RAD51B: variants seen among roughly 807,000 people sequenced by gnomAD.
The protein encoded by RAD51B is RAD51 paralog B, also known as DNA repair protein RAD51 homolog 2.
A neutral mutation model predicts 42.2 loss-of-function variants in RAD51B; 38 were observed. The observed-to-expected ratio is 0.90, with a 90% confidence interval of 0.70 to 1.18. RAD51B has a LOEUF of 1.18. Among genes scored for constraint, RAD51B ranks in the 50% most tolerant of loss-of-function variants. The pLI is 0.00. For synonymous variants in RAD51B, 154 were observed against 145.2 expected (o/e 1.06, Z -0.43); for missense variants, 373 against 400.7 (o/e 0.93, Z 0.59).
chr14:68,079,833 G>A (rs980947206), intron 7 of RAD51B, among the ~76,000 whole-genome samples: 9 of 152,142 alleles, frequency 5.9e-5, no homozygotes, highest in Admixed American at 5.9e-4. Context: ...GCGTATGTGC[G>A]CTCTTGTACT....
chr14:68,560,595 G>T (rs936314355), intron 10 of RAD51B, among the ~76,000 whole-genome samples: 1 of 152,162 alleles, frequency 6.6e-6, no homozygotes, highest in Non-Finnish European at 1.5e-5. Context: ...AATTAGCCGG[G>T]CATGGTGGTG....
intron 10 of RAD51B, among the ~76,000 whole-genome samples, chr14:68,530,423 G>C (rs1887208926): frequency 9.1e-6 from 1 of 110,466 alleles, no homozygotes; most frequent in South Asian, 2.9e-4. Flanking sequence ...CTCCAGCCTG[G>C]GCAACAGAGA....
rs1892599959 is a variant in RAD51B, at chr14:68,648,025, A to ACG, written c.1037-2756_1037-2755insCG. On this transcript the variant is annotated intron_variant, in intron 10 of 11. Coordinates refer to the RAD51B transcript ENST00000488612. Reference sequence around the variant, plus strand: ...TGAGCATATATATATATATATACGTATATATATATATACACACGTATATAG... The same window carrying ACG: ...TGAGCATATATATATATATATACGTACGTATATATATATACACACGTATATAG... 9.2e-5 allele frequency among the ~76,000 whole-genome samples: 9 copies of ACG among 98,218 alleles called. 1 individual carries two copies. Among genetic ancestry groups the ACG allele is most frequent in the Non-Finnish European group, 1.9e-4 (9 of 47,152 alleles). The allele number at this position is 98,218 out of a possible 152,430, so 64.4% of individuals were successfully genotyped here.
chr14:68,095,833 A>G (rs1326598143), intron 7 of RAD51B, among the ~76,000 whole-genome samples: 1 of 151,868 alleles, frequency 6.6e-6, no homozygotes, highest in Non-Finnish European at 1.5e-5. Context: ...AAAATTAGCC[A>G]GGCGTGGTGG....
intron 4 of RAD51B, among the ~76,000 whole-genome samples, chr14:67,862,779 C>T (rs2042204795): frequency 6.6e-6 from 1 of 151,980 alleles, no homozygotes; most frequent in South Asian, 2.1e-4. Flanking sequence ...ATTATCATTG[C>T]TCTACTTAAA....
chr14:68,491,720 A>G (rs1162871623), intron 10 of RAD51B, among the ~76,000 whole-genome samples: 1 of 152,196 alleles, frequency 6.6e-6, no homozygotes, highest in Non-Finnish European at 1.5e-5. Flanking sequence ...AGTTTGTAAA[A>G]TGGGAATAGA....
intron 7 of RAD51B, among the ~76,000 whole-genome samples, chr14:68,160,393 G>T (rs1311847210): frequency 6.6e-6 from 1 of 152,128 alleles, no homozygotes; most frequent in Non-Finnish European, 1.5e-5. Context: ...TTCTTAATAG[G>T]TTGCCACTCA....
chr14:67,866,013 G>A (rs2042326946), intron 5 of RAD51B, among the ~76,000 whole-genome samples: 1 of 152,146 alleles, frequency 6.6e-6, no homozygotes, highest in South Asian at 2.1e-4. Context: ...TGTGATCAAG[G>A]CTTCAGATCC....
chr14:68,277,161 A>G (rs2139608923), intron 7 of RAD51B, among the ~76,000 whole-genome samples: 1 of 152,278 alleles, frequency 6.6e-6, no homozygotes, highest in Non-Finnish European at 1.5e-5. Context: ...TGGCTGAATT[A>G]ATGAAGGGGA....
At chr14:68,662,915 A>G (rs1892962156) in intron 11 of RAD51B, among the ~76,000 whole-genome samples, 1 of 152,044 alleles carries the variant, frequency 6.6e-6, no homozygotes, top group Admixed American at 6.6e-5. Flanking sequence ...ACTGCTCTGT[A>G]CCCCAGGAAG....
chr14:68,242,204 A>C (rs1161550336), intron 7 of RAD51B, among the ~76,000 whole-genome samples: 1 of 152,192 alleles, frequency 6.6e-6, no homozygotes, highest in African/African-American at 2.4e-5. Flanking sequence ...TCTTCACTTT[A>C]GACTTGGCTC....
intron 10 of RAD51B, among the ~76,000 whole-genome samples, chr14:68,630,272 C>T (rs940567736): frequency 1.3e-5 from 2 of 152,150 alleles, no homozygotes; most frequent in African/African-American, 4.8e-5. Flanking sequence ...TCTTGAGCCT[C>T]CGGAGGAATT....
chr14:68,054,618 A>G (rs2076445085), intron 7 of RAD51B, among the ~76,000 whole-genome samples: 1 of 152,192 alleles, frequency 6.6e-6, no homozygotes, highest in South Asian at 2.1e-4. Flanking sequence ...CAACTTCAGA[A>G]TTGCTAACCC....
intron 7 of RAD51B, among the ~76,000 whole-genome samples, chr14:68,032,437 T>C (rs1440895290): frequency 6.6e-6 from 1 of 152,186 alleles, no homozygotes; most frequent in Non-Finnish European, 1.5e-5. Context: ...TCTTATTTCT[T>C]TTCCACCCCT....
At chr14:68,553,012 C>G (rs905075784) in intron 10 of RAD51B, among the ~76,000 whole-genome samples, 1 of 152,210 alleles carries the variant, frequency 6.6e-6, no homozygotes, top group African/African-American at 2.4e-5. Context: ...CCCTCATACT[C>G]TCATCATCAG....
Position 68,341,734 on chromosome 14 carries a change from C to T in RAD51B, c.853+49754C>T, listed in dbSNP as rs186148323. ...AGGTCTTTTTTCTCTCCAACTTTGT[C>T]AGTACGTTCAAAAAGAGTCCTATTG... On this transcript the variant is annotated intron_variant, in intron 8 of 10. Transcript: ENST00000471583. Among the ~76,000 whole-genome samples the T allele has an allele frequency of 1.8e-3, 267 of 152,242 alleles. 4 individuals carry two copies. Among genetic ancestry groups the T allele is most frequent in the East Asian group, 0.016 (83 of 5,176 alleles).
intron 10 of RAD51B, chr14:68,540,778 A>G (rs147455151): frequency 5.1e-6 from 5 of 985,324 alleles, no homozygotes; most frequent in African/African-American, 3.5e-5. Flanking sequence ...GAGGACTCCA[A>G]GGTTGAGTAG....
In RAD51B at chr14:67,890,486, G is replaced by A. The variant is rs1482577667; in HGVS notation, c.756+3282G>A. 3.3e-5 allele frequency among the ~76,000 whole-genome samples: 5 copies of A among 151,408 alleles called. No individual in the cohort carries two copies. In the East Asian group the frequency reaches 9.7e-4, roughly 29 times the overall value. ...ATTTATTATTATTATTATACTTTAA[G>A]TTTTAGGGTACATGTGCACAATGTG... is the stretch of plus-strand genomic sequence containing the variant. On this transcript the variant is annotated intron_variant, in intron 7 of 10. Coordinates refer to ENST00000471583, the MANE Select transcript of RAD51B (RefSeq NM_133510.4).
rs999999184 is a variant in RAD51B, at chr14:68,169,095, A to G, written c.757-122789A>G. Among the ~76,000 whole-genome samples the G allele has an allele frequency of 7.2e-5, 11 of 152,166 alleles. No homozygotes were observed. In the South Asian group the frequency reaches 8.3e-4, roughly 11 times the overall value. On this transcript the variant is annotated intron_variant, in intron 7 of 10. Coordinates refer to ENST00000471583, the MANE Select transcript of RAD51B (RefSeq NM_133510.4). ...CCTAATCACTATAACAGCACTTTAT[A>G]TAGTTTCTGATCCCTGAAGACTCCA...
Sources: allele counts gnomAD v4.1 joint callset (sites outside exome capture counted in the v4.1 genomes callset), GRCh38; gene constraint gnomAD v4.1.1; transcripts MANE v1.5; gene names NCBI Gene and HGNC (gene_info 2026-07-23, HGNC 2026-07-21).